Variants in PKD2L1 observed in about 807,000 individuals in gnomAD.
The protein encoded by PKD2L1 is polycystin-2-like protein 1.
In PKD2L1, 77 loss-of-function variants were observed where a neutral mutation model predicts 93.0. The observed-to-expected ratio is 0.83, with a 90% CI of 0.69 to 1.00. The LOEUF is 1.00. Ranked by LOEUF, PKD2L1 falls within the 50% of genes least tolerant of loss-of-function variation. PKD2L1 has a pLI of 0.00. For missense variants in PKD2L1, 977 were observed against 990.9 expected (o/e 0.99, Z 0.19); for synonymous variants, 390 against 388.0 (o/e 1.01, Z -0.06).
intron 2 of PKD2L1, 31 bp from the exon 3 acceptor site, chr10:100,299,749 C>T (rs1422665450): frequency 6.8e-6 from 11 of 1,608,058 alleles, no homozygotes; most frequent in Admixed American, 5.0e-5. Flanking sequence ...CTATGTCCTT[C>T]TCACTGTTCC....
rs201847730 is a variant in PKD2L1, at chr10:100,293,069, C to T, written c.1759G>A (p.Gly587Ser). 103 of 1,613,430 alleles carry T rather than the reference C, an allele frequency of 6.4e-5. No homozygotes were observed. The highest frequency in any genetic ancestry group is 8.2e-5 in the Non-Finnish European group (97 of 1,179,758). Reference sequence around the variant, plus strand: ...AGTCTTAGTAGGGTCTTGTTGTAGCCCTGAAAGGGAAAGGAAATAGGCACA... The same window carrying T: ...AGTCTTAGTAGGGTCTTGTTGTAGCTCTGAAAGGGAAAGGAAATAGGCACA... ...ELQLSDLLKQ[G>S]YNKTLLRLRL... The change falls in exon 11 of 16, where the codon GGC becomes AGC. Residue 587 changes from glycine to serine, a missense_variant and splice_region_variant. Gly to Ser is a moderately conservative substitution (Grantham distance 56, BLOSUM62 0). Coordinates refer to ENST00000318222, the MANE Select transcript of PKD2L1 (RefSeq NM_016112.3).
chr10:100,328,801 C>G (rs1849436152), intron 2 of PKD2L1, among the ~76,000 whole-genome samples: 3 of 152,194 alleles, frequency 2.0e-5, no homozygotes, highest in African/African-American at 7.2e-5. Context: ...GTTGGCCAAG[C>G]TGGTCTCAAA....
chr10:100,298,498 C>T (rs1373899785), intron 4 of PKD2L1, 64 bp downstream of exon 4: 13 of 1,555,948 alleles, frequency 8.4e-6, no homozygotes, highest in Admixed American at 1.8e-5. Context: ...GGTTCCCAGA[C>T]CTTGGGATGG....
chr10:100,326,573 T>C (rs1849384512), intron 2 of PKD2L1, among the ~76,000 whole-genome samples: 1 of 152,236 alleles, frequency 6.6e-6, no homozygotes, highest in Non-Finnish European at 1.5e-5. Context: ...GCTGGTCAGA[T>C]TGTCCGTGGC....
intron 5 of PKD2L1, 51 bp downstream of exon 5, chr10:100,297,331 C>A (rs376508152): frequency 6.4e-7 from 1 of 1,559,110 alleles, no homozygotes; most frequent in South Asian, 1.1e-5. Flanking sequence ...GCACAAGAGA[C>A]GGGAACCAGG....
At chr10:100,305,710 G>C (rs1320521319) in intron 2 of PKD2L1, among the ~76,000 whole-genome samples, 1 of 152,150 alleles carries the variant, frequency 6.6e-6, no homozygotes, top group Non-Finnish European at 1.5e-5. Context: ...TCCGTCGAGA[G>C]CATCAGATGG....
chr10:100,299,039 C>G (rs528084267), intron 3 of PKD2L1, among the ~76,000 whole-genome samples: 3 of 152,228 alleles, frequency 2.0e-5, no homozygotes, highest in African/African-American at 7.2e-5. Flanking sequence ...CCTCTGCAAC[C>G]TCTGCCTCCC....
In PKD2L1 at chr10:100,290,435, C is replaced by T. The variant is rs1441860314; in HGVS notation, c.2092G>A (p.Ala698Thr). The change falls in exon 13 of 16, where the codon GCA becomes ACA. Residue 698 changes from alanine (A) to threonine (T), a missense_variant. By Grantham distance (58) the Ala-to-Thr change is moderately conservative (BLOSUM62 0). Transcript: ENST00000318222. The part of the protein sequence containing the change: ...QGKSGPEAAR[A>T]GGWVSGEEFY... ...TCTTCTCCTGAAACCCAGCCTCCTG[C>T]TCTGGCAGCCTCTGGACCCGATTTG... The T allele has an allele frequency of 6.2e-6, 10 of 1,613,520 alleles. No homozygotes were observed. The highest frequency in any genetic ancestry group is 8.5e-6 in the Non-Finnish European group (10 of 1,179,846).
intron 14 of PKD2L1, 89 bp from the exon 15 acceptor site, chr10:100,289,145 A>G: frequency 2.4e-6 from 2 of 836,602 alleles, no homozygotes; most frequent in Non-Finnish European, 3.8e-6. Flanking sequence ...GAGAACTCAG[A>G]CTGCTATAGA....
chr10:100,296,931 C>T lies in PKD2L1; in HGVS notation c.1185+49G>A, dbSNP rs762377744. 9 of 1,277,476 alleles carry T rather than the reference C, an allele frequency of 7.0e-6. No individual in the cohort carries two copies. In the East Asian group the frequency reaches 1.9e-4, roughly 26 times the overall value. 79.1% of individuals were successfully genotyped at this position (1,277,476 alleles called of 1,614,324 possible). ...ACCTGGAGCCCCTATTAGGGTGGAA[C>T]TCCCTCCTCACCCCAGAATGTCCCA... On this transcript the variant is annotated intron_variant, in intron 6 of 15. Coordinates refer to ENST00000318222, the MANE Select transcript of PKD2L1 (RefSeq NM_016112.3).
At chr10:100,290,366 C>T in intron 13 of PKD2L1, 35 bp downstream of exon 13, 1 of 1,443,950 alleles carries the variant, frequency 6.9e-7, no homozygotes, top group Non-Finnish European at 9.7e-7. Flanking sequence ...AGAAGTGTTG[C>T]CAGCCCTGAA....
At position 100,290,160 on chromosome 10, in the gene PKD2L1, C is replaced by G. The variant is rs201811681; in HGVS notation, c.2127-22G>C. ...GAGCCTGTGTGGGATTTGAGAGAGA[C>G]GAATGGAGCAGAAATCTGTGTCTGG... On this transcript the variant is annotated intron_variant, in intron 13 of 15. Transcript: ENST00000318222. 2.5e-6 allele frequency: 4 copies of G among 1,613,544 alleles called. No homozygotes were observed. In the Middle Eastern group the frequency reaches 4.9e-4, roughly 200 times the overall value.
intron 2 of PKD2L1, among the ~76,000 whole-genome samples, chr10:100,305,145 A>C (rs1589670303): frequency 1.4e-5 from 2 of 144,032 alleles, no homozygotes; most frequent in South Asian, 4.4e-4. Context: ...GGAGTCTCGC[A>C]CTGTCACCCA....
intron 2 of PKD2L1, 106 bp from the exon 3 acceptor site, chr10:100,299,824 C>T: frequency 2.0e-6 from 2 of 1,002,138 alleles, no homozygotes; most frequent in Non-Finnish European, 3.1e-6. Context: ...GAAGCCCATC[C>T]CCCATCTGGA....
chr10:100,289,917 T>A, intron 14 of PKD2L1, 98 bp downstream of exon 14: 1 of 1,346,256 alleles, frequency 7.4e-7, no homozygotes, highest in Non-Finnish European at 1.1e-6. Context: ...CCTGAAAACA[T>A]AGGTCTTTCA....
At chr10:100,328,453 C>A (rs1019110380) in intron 2 of PKD2L1, among the ~76,000 whole-genome samples, 1 of 152,266 alleles carries the variant, frequency 6.6e-6, no homozygotes, top group Non-Finnish European at 1.5e-5. Flanking sequence ...GATCTAAGGT[C>A]GCCTGGATCT....
intron 2 of PKD2L1, among the ~76,000 whole-genome samples, chr10:100,324,774 A>C (rs1486061043): frequency 6.6e-6 from 1 of 152,038 alleles, no homozygotes; most frequent in East Asian, 1.9e-4. Context: ...AGTGTGTCTG[A>C]CTCCAATGTT....
chr10:100,298,102 C>G lies in PKD2L1; in HGVS notation c.731+460G>C, dbSNP rs573974349. On this transcript the variant is annotated intron_variant, in intron 4 of 15. Coordinates refer to ENST00000318222, the MANE Select transcript of PKD2L1 (RefSeq NM_016112.3). The stretch of plus-strand genomic sequence containing the variant: ...CCATTCTATCCACTAAACTTTCTAC[C>G]CTGGGTGCTTATTTCCTCCCTCTTC... Among the ~76,000 whole-genome samples, 28 of 152,228 alleles carry G rather than the reference C, an allele frequency of 1.8e-4. No individual in the cohort carries two copies. In the South Asian group the frequency reaches 5.6e-3, roughly 30 times the overall value.
rs370879270 is a variant in PKD2L1 at position 100,289,031 on chromosome 10, G to A, written c.2276C>T (p.Pro759Leu). 120 of 1,612,838 alleles carry A rather than the reference G, an allele frequency of 7.4e-5. No homozygotes were observed. Among genetic ancestry groups the A allele is most frequent in the Admixed American group, 6.0e-4 (36 of 59,916 alleles). ...GVKEQAIWKH[P>L]QPAPAVTPDP... ...TGGGGTCACAGCTGGGGCTGGCTGC[G>A]GGTGCTTCCAAATAGCTTGTTCCTT... Residue 759 changes from proline to leucine, a missense_variant, in exon 15 of 16, where the codon CCG becomes CTG. Physicochemically the swap from Pro to Leu is moderately conservative, Grantham distance 98 (BLOSUM62 -3). Coordinates refer to ENST00000318222, the MANE Select transcript of PKD2L1 (RefSeq NM_016112.3).
Sources: allele counts gnomAD v4.1 joint callset (sites outside exome capture counted in the v4.1 genomes callset), GRCh38; gene constraint gnomAD v4.1.1; transcripts MANE v1.5; gene names NCBI Gene and HGNC (gene_info 2026-07-23, HGNC 2026-07-21).